The following LRRC4C variants were observed in gnomAD, a reference collection of about 807,000 sequenced individuals.
The protein encoded by LRRC4C is leucine rich repeat containing 4C, also known as leucine-rich repeat-containing protein 4C.
LRRC4C carries 5 observed loss-of-function variants against 33.6 expected under a neutral mutation model. That is an observed-to-expected ratio of 0.15 (90% CI 0.08 to 0.31). The LOEUF (loss-of-function observed/expected upper bound fraction) is 0.31, where lower values mean the gene tolerates loss of function less well. Among genes scored for constraint, LRRC4C ranks in the 10% least tolerant of loss-of-function variants. The probability of loss-of-function intolerance (pLI) is 1.00; values close to 1 mark genes in which losing one functional copy is unlikely to be tolerated. For missense variants in LRRC4C, 560 were observed against 796.7 expected, an observed-to-expected ratio of 0.70 and a Z score of 3.58; for synonymous variants, 329 against 302.0, an observed-to-expected ratio of 1.09 and a Z score of -0.93.
At chr11:41,142,107 C>A (rs1943532533) in intron 1 of LRRC4C, among the ~76,000 whole-genome samples, 2 of 151,554 alleles carry the variant, frequency 1.3e-5, no homozygotes. Context: ...CAAACTAGCT[C>A]ATTCTTATTT....
At chr11:41,153,659 C>A (rs140177560) in intron 1 of LRRC4C, among the ~76,000 whole-genome samples, 1 of 152,216 alleles carries the variant, frequency 6.6e-6, no homozygotes, top group African/African-American at 2.4e-5. Flanking sequence ...CACTATTTTT[C>A]TTATGAATAT....
intron 1 of LRRC4C, among the ~76,000 whole-genome samples, chr11:40,991,614 C>T (rs1342424926): frequency 6.6e-6 from 1 of 151,976 alleles, no homozygotes; most frequent in Non-Finnish European, 1.5e-5. Flanking sequence ...CAGTGGGAGC[C>T]CTGGGCTTGT....
At chr11:40,482,382 G>A (rs1953619919) in intron 3 of LRRC4C, among the ~76,000 whole-genome samples, 1 of 152,028 alleles carries the variant, frequency 6.6e-6, no homozygotes, top group Non-Finnish European at 1.5e-5. Flanking sequence ...ATAGAGTATA[G>A]GAAATCAAAT....
chr11:40,284,327 C>T (rs1486223730), intron 4 of LRRC4C, among the ~76,000 whole-genome samples: 1 of 152,124 alleles, frequency 6.6e-6, no homozygotes, highest in Non-Finnish European at 1.5e-5. Context: ...CTGGCCTGTG[C>T]TGTTGAGAAG....
At chr11:40,855,745 C>A (rs146622873) in intron 2 of LRRC4C, among the ~76,000 whole-genome samples, 1 of 152,182 alleles carries the variant, frequency 6.6e-6, no homozygotes, top group African/African-American at 2.4e-5. Context: ...GGCCACCAGG[C>A]ATATGCCTTC....
intron 1 of LRRC4C, among the ~76,000 whole-genome samples, chr11:40,961,921 CAG>C (rs1052548405): frequency 2.6e-5 from 4 of 151,516 alleles, no homozygotes; most frequent in Admixed American, 2.6e-4. Context: ...CAAATTTTGA[CAG>C]TTTCCTCTTT....
Position 41,341,841 on chromosome 11 carries a change from T to C in LRRC4C, c.-496+117590A>G, listed in dbSNP as rs139374648. 5.3e-4 allele frequency among the ~76,000 whole-genome samples: 80 copies of C among 152,354 alleles called. No individual in the cohort carries two copies. The South Asian group carries it at 8.5e-3, about 16-fold the overall frequency. On this transcript the variant is annotated intron_variant, in intron 1 of 6. Coordinates refer to ENST00000528697, the MANE Select transcript of LRRC4C (RefSeq NM_001258419.2). ...CTTCTCAGCAGAGATATTTTCCTACTAGTAAATAAATATAGCTCTGTTGTC... is the reference window on the plus strand; with the variant it reads ...CTTCTCAGCAGAGATATTTTCCTACCAGTAAATAAATATAGCTCTGTTGTC...
chr11:40,936,900 C>T (rs1332980118), intron 1 of LRRC4C, among the ~76,000 whole-genome samples: 1 of 152,020 alleles, frequency 6.6e-6, no homozygotes, highest in East Asian at 1.9e-4. Flanking sequence ...ATCTGGAGTC[C>T]ATACAGCAGC....
intron 1 of LRRC4C, among the ~76,000 whole-genome samples, chr11:41,346,598 T>C (rs904775671): frequency 6.6e-6 from 1 of 152,168 alleles, no homozygotes; most frequent in Non-Finnish European, 1.5e-5. Flanking sequence ...AGAGTACTAA[T>C]TGTATAAGAT....
At chr11:40,253,988 T>G (rs1368659052) in intron 4 of LRRC4C, among the ~76,000 whole-genome samples, 1 of 152,228 alleles carries the variant, frequency 6.6e-6, no homozygotes, top group Non-Finnish European at 1.5e-5. Flanking sequence ...AAGCAGATTA[T>G]CAAACTATGG....
chr11:41,189,775 A>G (rs1255573582), intron 1 of LRRC4C, among the ~76,000 whole-genome samples: 8 of 152,182 alleles, frequency 5.3e-5, no homozygotes, highest in Non-Finnish European at 1.0e-4. Flanking sequence ...GCAATGAGAA[A>G]CTAGGAAATA....
At chr11:40,345,880 G>A (rs975270412) in intron 3 of LRRC4C, among the ~76,000 whole-genome samples, 23 of 114,366 alleles carry the variant, frequency 2.0e-4, no homozygotes, top group Admixed American at 1.8e-4. Context: ...CCATTAAAAA[G>A]TGGGCAAATA....
intron 1 of LRRC4C, among the ~76,000 whole-genome samples, chr11:41,123,473 C>A (rs992499888): frequency 1.3e-5 from 2 of 150,436 alleles, no homozygotes; most frequent in South Asian, 4.3e-4. Flanking sequence ...GGGGTTTCAC[C>A]GTTTTAGCCG....
chr11:41,346,303 A>G (rs1951802224), intron 1 of LRRC4C, among the ~76,000 whole-genome samples: 1 of 152,226 alleles, frequency 6.6e-6, no homozygotes, highest in African/African-American at 2.4e-5. Context: ...CTCATTCTGC[A>G]CTTGTAATCA....
chr11:40,221,287 A>T (rs986003882), intron 5 of LRRC4C, among the ~76,000 whole-genome samples: 1 of 152,182 alleles, frequency 6.6e-6, no homozygotes. Flanking sequence ...TTGACTTGTA[A>T]TGATTTGTAT....
At chr11:40,467,061 G>T (rs1457505751) in intron 3 of LRRC4C, among the ~76,000 whole-genome samples, 1 of 152,074 alleles carries the variant, frequency 6.6e-6, no homozygotes, top group Non-Finnish European at 1.5e-5. Flanking sequence ...TTACTGAAAA[G>T]AAACAGTTGC....
intron 1 of LRRC4C, among the ~76,000 whole-genome samples, chr11:41,338,026 G>A (rs868231555): frequency 5.3e-5 from 8 of 152,138 alleles, no homozygotes; most frequent in Non-Finnish European, 1.2e-4. Flanking sequence ...ATTAAAACAT[G>A]AAGAAACAAC....
chr11:41,147,648 G>A (rs1365293611), intron 1 of LRRC4C, among the ~76,000 whole-genome samples: 1 of 152,194 alleles, frequency 6.6e-6, no homozygotes, highest in Non-Finnish European at 1.5e-5. Context: ...TGAGAGACAT[G>A]ATATTGATAG....
In LRRC4C at chr11:40,899,347, T is replaced by A. The variant is rs546903049; in HGVS notation, c.-407+34288A>T. Among the ~76,000 whole-genome samples, 61 of 152,250 alleles carry A rather than the reference T, an allele frequency of 4.0e-4. No individual in the cohort carries two copies. The South Asian group carries it at 0.012, about 29-fold the overall frequency. The stretch of plus-strand genomic sequence containing the variant: ...TTGGAAGGTCCCTGGCTCTTGAAAA[T>A]CTTCGTACCGTGACCCTTCGTGTCC... On this transcript the variant is annotated intron_variant, in intron 2 of 6. Coordinates refer to ENST00000528697, the MANE Select transcript of LRRC4C (RefSeq NM_001258419.2).
Sources: allele counts gnomAD v4.1 joint callset (sites outside exome capture counted in the v4.1 genomes callset), GRCh38; gene constraint gnomAD v4.1.1; transcripts MANE v1.5; gene names NCBI Gene and HGNC (gene_info 2026-07-23, HGNC 2026-07-21).